FAT4: variants seen among roughly 807,000 people sequenced by gnomAD.
The protein encoded by FAT4 is protocadherin Fat 4.
FAT4 carries 84 observed loss-of-function variants against 303.9 expected under a neutral mutation model. That is an observed-to-expected ratio of 0.28 (90% CI 0.23 to 0.33). The LOEUF is 0.33. Ranked by LOEUF, FAT4 falls within the 10% of genes least tolerant of loss-of-function variation. The pLI is 1.00. For synonymous variants in FAT4, 2,307 were observed against 2,298.8 expected, an observed-to-expected ratio of 1.00 and a Z score of -0.10; for missense variants, 6,005 against 6,146.8, an observed-to-expected ratio of 0.98 and a Z score of 0.77.
intron 2 of FAT4, among the ~76,000 whole-genome samples, chr4:125,348,244 G>A (rs1732082746): frequency 6.6e-6 from 1 of 151,834 alleles, no homozygotes; most frequent in African/African-American, 2.4e-5. Context: ...AGGAAATAAT[G>A]TTTATCACAT....
chr4:125,395,940 C>A (rs865882722), intron 2 of FAT4, among the ~76,000 whole-genome samples: 5 of 152,036 alleles, frequency 3.3e-5, no homozygotes, highest in Non-Finnish European at 7.4e-5. Flanking sequence ...ATGTAGTGAT[C>A]CCCTAGTTTA....
At position 125,320,960 on chromosome 4, in the gene FAT4, A is replaced by C. The variant is rs374899663; in HGVS notation, c.4549A>C (p.Ile1517Leu). Residue 1517 changes from isoleucine to leucine, a missense_variant, in exon 2 of 18, where the codon ATT (isoleucine) becomes CTT (leucine). By Grantham distance (5) the Ile-to-Leu change is conservative. Transcript: ENST00000394329. ...ACGGTATGCTTTGAAGAACGTGACCATTTTGGTTACAGACCTCAATGACAA... is the reference window on the plus strand; with the variant it reads ...ACGGTATGCTTTGAAGAACGTGACCCTTTTGGTTACAGACCTCAATGACAA... ...TRRYALKNVT[I>L]LVTDLNDNVP... The C allele has an allele frequency of 3.6e-4, 587 of 1,614,124 alleles. No homozygotes were observed. Among genetic ancestry groups the C allele is most frequent in the Non-Finnish European group, 4.6e-4 (541 of 1,180,042 alleles).
At chr4:125,371,468 A>G (rs1033151278) in intron 2 of FAT4, among the ~76,000 whole-genome samples, 4 of 151,850 alleles carry the variant, frequency 2.6e-5, no homozygotes, top group African/African-American at 7.2e-5. Flanking sequence ...GACATAGGGT[A>G]TCTTCCTAGA....
intron 8 of FAT4, among the ~76,000 whole-genome samples, chr4:125,444,116 G>A (rs1725749126): frequency 6.6e-6 from 1 of 152,082 alleles, no homozygotes; most frequent in African/African-American, 2.4e-5. Context: ...ATGTGCAATA[G>A]CATAAAATTA....
intron 12 of FAT4, among the ~76,000 whole-genome samples, chr4:125,471,587 CAT>C (rs1726856002): frequency 6.6e-6 from 1 of 152,010 alleles, no homozygotes; most frequent in Admixed American, 6.6e-5. Context: ...AAATATTTGA[CAT>C]AGTATAATAG....
chr4:125,464,667 C>T (rs903095537), intron 11 of FAT4, among the ~76,000 whole-genome samples: 1 of 152,156 alleles, frequency 6.6e-6, no homozygotes, highest in South Asian at 2.1e-4. Flanking sequence ...ATCCCTCCCC[C>T]CTTCCCCACC....
chr4:125,456,071 A>G (rs1184230535), intron 10 of FAT4, among the ~76,000 whole-genome samples: 2 of 152,186 alleles, frequency 1.3e-5, no homozygotes, highest in Admixed American at 1.3e-4. Context: ...TTCAGATATC[A>G]TCACAGTCTT....
chr4:125,484,120 T>G (rs1258394352), intron 16 of FAT4, among the ~76,000 whole-genome samples: 2 of 151,018 alleles, frequency 1.3e-5, no homozygotes. Flanking sequence ...GAGGACATTT[T>G]GTGAAAAATG....
intron 2 of FAT4, among the ~76,000 whole-genome samples, chr4:125,374,452 A>G (rs994918548): frequency 6.6e-6 from 1 of 152,204 alleles, no homozygotes; most frequent in East Asian, 1.9e-4. Context: ...GAGAGGTGCT[A>G]TCAATAAGAA....
In FAT4 at chr4:125,415,609, C is replaced by T. The variant is rs1427354114; in HGVS notation, c.6646C>T (p.Pro2216Ser). The change falls in exon 6 of 18, where the codon CCT becomes TCT. Residue 2216 changes from proline (P) to serine (S), a missense_variant. Transcript: ENST00000394329. The part of the protein sequence containing the change: ...SVTGAITVAK[P>S]LDREKTPTYH... ...CACAGGTGCCATCACTGTCGCTAAACCTTTGGATAGAGAAAAGACCCCTAC... is the reference window on the plus strand; with the variant it reads ...CACAGGTGCCATCACTGTCGCTAAATCTTTGGATAGAGAAAAGACCCCTAC... 1.2e-6 allele frequency: 2 copies of T among 1,613,858 alleles called. No homozygotes were observed. Among genetic ancestry groups the T allele is most frequent in the Non-Finnish European group, 1.7e-6 (2 of 1,179,970 alleles).
intron 2 of FAT4, among the ~76,000 whole-genome samples, chr4:125,367,720 A>G (rs1732938000): frequency 6.6e-6 from 1 of 152,156 alleles, no homozygotes; most frequent in South Asian, 2.1e-4. Flanking sequence ...CCTTCCTTAT[A>G]GGTGAAATTT....
At position 125,359,526 on chromosome 4, in the gene FAT4, G is replaced by C. The variant is rs75351806; in HGVS notation, c.5175+37940G>C. 1.7e-3 allele frequency among the ~76,000 whole-genome samples: 261 copies of C among 152,162 alleles called. 3 individuals are homozygous for C. The highest frequency in any genetic ancestry group is 5.8e-3 in the African/African-American group (239 of 41,516). ...TTATAATACTGTTACTCAGTAAATG[G>C]ACTAAAGGCAGGGTAAGATTTATCA... is the stretch of plus-strand genomic sequence containing the variant. On this transcript the variant is annotated intron_variant, in intron 2 of 17. Coordinates refer to ENST00000394329, the MANE Select transcript of FAT4 (RefSeq NM_001291303.3).
At chr4:125,350,856 C>T (rs1455432206) in intron 2 of FAT4, among the ~76,000 whole-genome samples, 1 of 151,688 alleles carries the variant, frequency 6.6e-6, no homozygotes, top group East Asian at 1.9e-4. Flanking sequence ...TTCATCTTCC[C>T]CAATCAGACA....
intron 5 of FAT4, among the ~76,000 whole-genome samples, chr4:125,412,025 T>C (rs1222825417): frequency 6.6e-6 from 1 of 151,688 alleles, no homozygotes; most frequent in African/African-American, 2.4e-5. Flanking sequence ...AAATTTAAAT[T>C]GCAACACTTA....
intron 7 of FAT4, among the ~76,000 whole-genome samples, chr4:125,424,933 A>G (rs1165831653): frequency 6.6e-6 from 1 of 152,158 alleles, no homozygotes; most frequent in Non-Finnish European, 1.5e-5. Context: ...ATTTGGATGA[A>G]CAATTTGGAG....
chr4:125,390,022 G>A (rs1223393353), intron 2 of FAT4, among the ~76,000 whole-genome samples: 1 of 152,060 alleles, frequency 6.6e-6, no homozygotes, highest in East Asian at 1.9e-4. Flanking sequence ...TATGGCAGTA[G>A]AATTCCCAGT....
intron 2 of FAT4, among the ~76,000 whole-genome samples, chr4:125,376,517 G>A (rs1004608633): frequency 6.6e-6 from 1 of 152,152 alleles, no homozygotes; most frequent in African/African-American, 2.4e-5. Context: ...GTTAATGGGT[G>A]CAGTAAACCA....
Position 125,414,866 on chromosome 4 carries a change from TC to T in FAT4, c.5921-17del. On this transcript the variant is annotated splice_polypyrimidine_tract_variant and intron_variant, in intron 5 of 17. Transcript: ENST00000394329. ...TCAGCATATGTTTAAGAAAATTTTT[TC>T]TTCCCTTTAATTTCAGGCATCAACT... The T allele has an allele frequency of 6.4e-7, 1 of 1,550,588 alleles. No homozygotes were observed. Among genetic ancestry groups the T allele is most frequent in the Non-Finnish European group, 8.7e-7 (1 of 1,143,474 alleles).
At chr4:125,472,192 G>A (rs1726888693) in intron 12 of FAT4, among the ~76,000 whole-genome samples, 2 of 151,276 alleles carry the variant, frequency 1.3e-5, no homozygotes. Context: ...AACAAAATAA[G>A]TGCCCTTAAA....
Sources: gnomAD v4.1 joint callset for allele counts (sites outside exome capture counted in the v4.1 genomes callset) on GRCh38, gnomAD v4.1.1 for gene constraint, MANE v1.5 for transcripts, NCBI Gene and HGNC (gene_info 2026-07-23, HGNC 2026-07-21) for gene names.